The following ITGA9 variants were observed in gnomAD, a reference collection of about 807,000 sequenced individuals.
ITGA9 encodes the protein integrin subunit alpha 9, also known as integrin alpha-9.
ITGA9 carries 56 observed loss-of-function variants against 127.8 expected under a neutral mutation model. The ratio of observed to expected loss-of-function variants is 0.44; its 90% CI spans 0.35 to 0.55. The LOEUF is 0.55. Among genes scored for constraint, ITGA9 ranks in the 20% least tolerant of loss-of-function variants. The pLI, the probability that ITGA9 is intolerant of heterozygous loss-of-function variation, is 0.00. For missense variants in ITGA9, 1,196 were observed against 1,347.1 expected (o/e 0.89, Z 1.76); for synonymous variants, 508 against 514.5 (o/e 0.99, Z 0.17).
At chr3:37,796,341 T>C (rs891350933) in intron 26 of ITGA9, among the ~76,000 whole-genome samples, 1 of 152,192 alleles carries the variant, frequency 6.6e-6, no homozygotes, top group Non-Finnish European at 1.5e-5. Context: ...CATTTATTTT[T>C]CTAATTGACT....
chr3:37,755,540 T>A (rs201421406), intron 23 of ITGA9, among the ~76,000 whole-genome samples: 3 of 152,178 alleles, frequency 2.0e-5, no homozygotes, highest in South Asian at 4.1e-4. Context: ...AGTGTTTCCA[T>A]GAAACAGAAT....
intron 15 of ITGA9, among the ~76,000 whole-genome samples, chr3:37,584,314 G>A (rs553998094): frequency 7.4e-4 from 113 of 152,294 alleles, no homozygotes; most frequent in African/African-American, 2.5e-3. Flanking sequence ...CTCAGAACTG[G>A]CACTATCACT....
rs532323646 is a variant in ITGA9 at position 37,747,696 on chromosome 3, T to G, written c.2434-2766T>G. Among the ~76,000 whole-genome samples the G allele has an allele frequency of 4.0e-4, 61 of 151,362 alleles. 1 individual carries two copies. The highest frequency in any genetic ancestry group is 4.0e-3 in the Admixed American group (61 of 15,186). On this transcript the variant is annotated intron_variant, in intron 22 of 27. Transcript: ENST00000264741. ...TGATGTTTGTCTTTCTATATCTGGC[T>G]TATTTCTTTCCTTTTTTTTCTTTTT... is the stretch of plus-strand genomic sequence containing the variant.
chr3:37,467,279 T>C (rs1338890187), intron 1 of ITGA9, among the ~76,000 whole-genome samples: 2 of 152,256 alleles, frequency 1.3e-5, no homozygotes, highest in Non-Finnish European at 2.9e-5. Flanking sequence ...TCTGACCAGC[T>C]GATCAGAAGT....
chr3:37,519,809 T>C (rs1699026325), intron 11 of ITGA9, among the ~76,000 whole-genome samples: 1 of 152,252 alleles, frequency 6.6e-6, no homozygotes. Context: ...GACTCTGCGC[T>C]TGCGCCCTAT....
At chr3:37,527,909 C>T (rs1699109944) in intron 13 of ITGA9, among the ~76,000 whole-genome samples, 1 of 152,110 alleles carries the variant, frequency 6.6e-6, no homozygotes, top group Non-Finnish European at 1.5e-5. Flanking sequence ...CCTCAGCCTC[C>T]TGAGCAGCTG....
chr3:37,788,707 TC>T (rs1233609932), intron 26 of ITGA9, among the ~76,000 whole-genome samples: 1 of 152,250 alleles, frequency 6.6e-6, no homozygotes, highest in African/African-American at 2.4e-5. Context: ...CTTCCAATGA[TC>T]CTGTCCTCTG....
intron 7 of ITGA9, among the ~76,000 whole-genome samples, chr3:37,507,380 C>T (rs2125572655): frequency 6.6e-6 from 1 of 152,214 alleles, no homozygotes; most frequent in South Asian, 2.1e-4. Flanking sequence ...GCGGGTGCCT[C>T]TATGCTAATG....
chr3:37,595,772 A>T (rs771242656), intron 15 of ITGA9, among the ~76,000 whole-genome samples: 2 of 152,188 alleles, frequency 1.3e-5, no homozygotes, highest in Non-Finnish European at 2.9e-5. Flanking sequence ...GTTTTTATGA[A>T]CATTCTCTTT....
chr3:37,709,110 T>C (rs1037851972), intron 18 of ITGA9, among the ~76,000 whole-genome samples: 1 of 152,224 alleles, frequency 6.6e-6, no homozygotes, highest in Non-Finnish European at 1.5e-5. Context: ...TCTGTGAGAC[T>C]GAGCTAAGAA....
rs770094928 is a variant in ITGA9 at position 37,517,551 on chromosome 3, T to C, written c.1083T>C (p.Asn361=). The change falls in exon 10 of 28, where the codon AAT becomes AAC. Residue 361 remains asparagine (N), a synonymous_variant. Transcript: ENST00000264741. ...QLALTGDGAY[N]AHFGESIASL... is the part of the protein sequence containing the mutation. The stretch of plus-strand genomic sequence containing the variant: ...CTCTGACTGGGGATGGTGCCTACAA[T>C]GCGCACTTTGGAGAGAGCATTGCCA... The C allele has an allele frequency of 6.3e-7, 1 of 1,599,914 alleles. No individual in the cohort carries two copies. The highest frequency in any genetic ancestry group is 1.7e-5 in the Admixed American group (1 of 58,424).
intron 16 of ITGA9, among the ~76,000 whole-genome samples, chr3:37,644,571 A>G (rs1463499576): frequency 5.3e-5 from 8 of 152,348 alleles, no homozygotes; most frequent in Admixed American, 1.3e-4. Context: ...CTTGTATCCC[A>G]TGAATATATA....
intron 9 of ITGA9, among the ~76,000 whole-genome samples, chr3:37,514,378 T>C (rs1698963523): frequency 6.6e-6 from 1 of 152,124 alleles, no homozygotes; most frequent in African/African-American, 2.4e-5. Flanking sequence ...ATATGCACAT[T>C]TTCCCAGGGA....
intron 17 of ITGA9, among the ~76,000 whole-genome samples, chr3:37,660,960 C>T (rs563310117): frequency 6.6e-6 from 1 of 152,208 alleles, no homozygotes; most frequent in Non-Finnish European, 1.5e-5. Context: ...TGCAATGACT[C>T]TTAAGGCCTG....
At chr3:37,679,385 G>A (rs939490527) in intron 17 of ITGA9, among the ~76,000 whole-genome samples, 1 of 152,164 alleles carries the variant, frequency 6.6e-6, no homozygotes, top group Admixed American at 6.5e-5. Flanking sequence ...GTTCCTTTCA[G>A]GTGTTTGTAA....
At chr3:37,761,704 T>C (rs1465401095) in intron 23 of ITGA9, among the ~76,000 whole-genome samples, 2 of 152,116 alleles carry the variant, frequency 1.3e-5, no homozygotes, top group Non-Finnish European at 2.9e-5. Flanking sequence ...AACAGTGGGG[T>C]TCACTGTGAA....
At position 37,477,271 on chromosome 3, in the gene ITGA9, T is replaced by C. The variant is rs1157488005; in HGVS notation, c.420+3811T>C. ...TATCCCCAAGGAGCACAATATTGGA[T>C]TCCAAGGTTGGGTTTGAAGAGGGAG... On this transcript the variant is annotated intron_variant, in intron 3 of 27. Transcript: ENST00000264741. Among the ~76,000 whole-genome samples the C allele has an allele frequency of 4.6e-5, 7 of 152,222 alleles. No individual in the cohort carries two copies. In the South Asian group the frequency reaches 1.2e-3, roughly 27 times the overall value.
At chr3:37,637,529 T>C (rs1169385697) in intron 16 of ITGA9, among the ~76,000 whole-genome samples, 2 of 152,172 alleles carry the variant, frequency 1.3e-5, no homozygotes, top group African/African-American at 4.8e-5. Flanking sequence ...TGAGGAGATA[T>C]GGGGCTGAGA....
In ITGA9 at chr3:37,640,589, C is replaced by G. The variant is rs374937090; in HGVS notation, c.1839+11253C>G. On this transcript the variant is annotated intron_variant, in intron 16 of 27. Transcript: ENST00000264741. ...GGAGCAGACCCAGACAACCCACCGA[C>G]CTCTGACTTACAGAACTGTGAGATA... Among the ~76,000 whole-genome samples, 4 of 152,338 alleles carry G rather than the reference C, an allele frequency of 2.6e-5. No individual in the cohort carries two copies. In the South Asian group the frequency reaches 8.3e-4, roughly 32 times the overall value.
Sources: gnomAD v4.1 joint callset for allele counts (sites outside exome capture counted in the v4.1 genomes callset) on GRCh38, gnomAD v4.1.1 for gene constraint, MANE v1.5 for transcripts, NCBI Gene and HGNC (gene_info 2026-07-23, HGNC 2026-07-21) for gene names.